The following AUTS2 variants were observed in gnomAD, a reference collection of about 807,000 sequenced individuals.
AUTS2 encodes the protein activator of transcription and developmental regulator AUTS2.
A neutral mutation model predicts 112.4 loss-of-function variants in AUTS2; 17 were observed. The observed-to-expected ratio is 0.15, with a 90% CI of 0.10 to 0.23. AUTS2 has a LOEUF of 0.23. AUTS2 is among the 10% of genes least tolerant of loss of function. The pLI is 1.00. For missense variants in AUTS2, 1,510 were observed against 1,701.6 expected (o/e 0.89, Z 1.98); for synonymous variants, 751 against 702.7 (o/e 1.07, Z -1.09).
chr7:69,961,537 G>A (rs955775102), intron 2 of AUTS2, among the ~76,000 whole-genome samples: 1 of 152,108 alleles, frequency 6.6e-6, no homozygotes, highest in African/African-American at 2.4e-5. Context: ...CTTTGAATAT[G>A]TAACTGTTCC....
At chr7:70,781,820 T>A in intron 15 of AUTS2, 64 bp downstream of exon 15, 1 of 1,574,808 alleles carries the variant, frequency 6.3e-7, no homozygotes, top group Non-Finnish European at 8.6e-7. Context: ...ACTAAATAAA[T>A]GAGGTTTGGG....
At chr7:70,610,217 T>C (rs10274920) in intron 5 of AUTS2, among the ~76,000 whole-genome samples, 7,371 of 152,094 alleles carry the variant, frequency 0.048, 446 homozygotes, top group African/African-American at 0.13. Context: ...TGGGCTGGTC[T>C]CGAACTCCTG....
At chr7:70,732,628 A>T (rs1265249985) in intron 6 of AUTS2, among the ~76,000 whole-genome samples, 2 of 152,126 alleles carry the variant, frequency 1.3e-5, no homozygotes, top group African/African-American at 4.8e-5. Flanking sequence ...CCTGGCTCTC[A>T]TTGAACCCAC....
At chr7:69,873,365 T>G (rs1260134758) in intron 1 of AUTS2, among the ~76,000 whole-genome samples, 1 of 151,806 alleles carries the variant, frequency 6.6e-6, no homozygotes, top group African/African-American at 2.4e-5. Flanking sequence ...TAAGGAACTT[T>G]GAATAAACAC....
chr7:69,621,699 G>A (rs1470300704), intron 1 of AUTS2, among the ~76,000 whole-genome samples: 1 of 152,188 alleles, frequency 6.6e-6, no homozygotes, highest in African/African-American at 2.4e-5. Context: ...ACTAGGTGCT[G>A]TGAGATTTTG....
At chr7:70,775,268 C>A in intron 12 of AUTS2, 89 bp from the exon 13 acceptor site, 1 of 1,058,178 alleles carries the variant, frequency 9.5e-7, no homozygotes, top group South Asian at 1.4e-5. Flanking sequence ...ATTTTAATTT[C>A]CCCTCCTAAT....
At chr7:69,877,037 T>G (rs1424535888) in intron 1 of AUTS2, among the ~76,000 whole-genome samples, 4 of 152,170 alleles carry the variant, frequency 2.6e-5, no homozygotes, top group African/African-American at 7.2e-5. Flanking sequence ...GTTGTTAGTT[T>G]CCCAAAATGA....
At chr7:69,684,398 T>G (rs1402349387) in intron 1 of AUTS2, among the ~76,000 whole-genome samples, 1 of 152,172 alleles carries the variant, frequency 6.6e-6, no homozygotes, top group Non-Finnish European at 1.5e-5. Context: ...GATGGATCTC[T>G]GCCCCGTTCT....
intron 5 of AUTS2, among the ~76,000 whole-genome samples, chr7:70,668,633 C>T (rs1807471602): frequency 6.6e-6 from 1 of 152,190 alleles, no homozygotes; most frequent in Admixed American, 6.5e-5. Flanking sequence ...AACAGACCTC[C>T]CAGGCTGTCC....
At chr7:69,750,058 A>C (rs1374716031) in intron 1 of AUTS2, among the ~76,000 whole-genome samples, 1 of 152,198 alleles carries the variant, frequency 6.6e-6, no homozygotes, top group Admixed American at 6.5e-5. Context: ...TTCATATTGC[A>C]ACAGCCCCCA....
intron 4 of AUTS2, among the ~76,000 whole-genome samples, chr7:70,313,955 G>T (rs1363938155): frequency 1.3e-5 from 2 of 152,178 alleles, no homozygotes; most frequent in Non-Finnish European, 2.9e-5. Flanking sequence ...TAGCACTGGA[G>T]ACTGCACCTC....
At chr7:70,117,104 GTT>G (rs61076536) in intron 2 of AUTS2, among the ~76,000 whole-genome samples, 1,305 of 78,440 alleles carry the variant, frequency 0.017, 27 homozygotes, top group African/African-American at 0.04. Context: ...GATGACTTTT[GTT>G]TTTTTTTTTT....
intron 1 of AUTS2, among the ~76,000 whole-genome samples, chr7:69,728,857 A>G (rs748367946): frequency 6.6e-6 from 1 of 152,080 alleles, no homozygotes; most frequent in Non-Finnish European, 1.5e-5. Context: ...GTTATGGAAA[A>G]TCCTTTCTAG....
intron 1 of AUTS2, among the ~76,000 whole-genome samples, chr7:69,816,615 C>T (rs1436976859): frequency 6.6e-6 from 1 of 152,172 alleles, no homozygotes; most frequent in Non-Finnish European, 1.5e-5. Flanking sequence ...TGACTTTTGA[C>T]CCAGTTGACT....
intron 2 of AUTS2, among the ~76,000 whole-genome samples, chr7:70,012,633 AATTCATTTC>A (rs1397086227): frequency 6.6e-6 from 1 of 151,568 alleles, no homozygotes; most frequent in Non-Finnish European, 1.5e-5. Context: ...CATTATATTC[AATTCATTTC>A]ATTCATTGAA....
At chr7:69,918,743 C>T (rs939140904) in intron 2 of AUTS2, among the ~76,000 whole-genome samples, 26 of 152,228 alleles carry the variant, frequency 1.7e-4, no homozygotes, top group Admixed American at 5.2e-4. Context: ...ATTTTGTTTC[C>T]ATGAGTCAAG....
chr7:70,588,589 T>C (rs1028146338), intron 5 of AUTS2, among the ~76,000 whole-genome samples: 1 of 152,134 alleles, frequency 6.6e-6, no homozygotes, highest in Non-Finnish European at 1.5e-5. Context: ...ATTAGAACAA[T>C]GGCGGAAGAG....
intron 1 of AUTS2, among the ~76,000 whole-genome samples, chr7:69,858,996 G>A (rs1314953388): frequency 1.3e-5 from 2 of 152,218 alleles, no homozygotes; most frequent in East Asian, 1.9e-4. Context: ...GAATAGGACT[G>A]TTATATTAAA....
chr7:69,819,732 G>A (rs903358012), intron 1 of AUTS2, among the ~76,000 whole-genome samples: 1 of 152,158 alleles, frequency 6.6e-6, no homozygotes, highest in African/African-American at 2.4e-5. Context: ...ATCTTCCTGT[G>A]TCAGCTTCCC....
Sources: gnomAD v4.1 joint callset for allele counts (sites outside exome capture counted in the v4.1 genomes callset) on GRCh38, gnomAD v4.1.1 for gene constraint, MANE v1.5 for transcripts, NCBI Gene and HGNC (gene_info 2026-07-23, HGNC 2026-07-21) for gene names.